PFKFB3: variants seen among roughly 807,000 people sequenced by gnomAD.
PFKFB3 encodes the protein 6-phosphofructo-2-kinase/fructose-2,6-bisphosphatase 3.
A neutral mutation model predicts 68.0 loss-of-function variants in PFKFB3; 33 were observed. The observed-to-expected ratio is 0.49, with a 90% CI of 0.37 to 0.65. PFKFB3 has a LOEUF of 0.65. PFKFB3 is among the 30% of genes least tolerant of loss of function. The pLI, the probability that PFKFB3 is intolerant of heterozygous loss-of-function variation, is 0.00. For missense variants in PFKFB3, 586 were observed against 712.2 expected (o/e 0.82, Z 2.02); for synonymous variants, 315 against 288.2 (o/e 1.09, Z -0.94).
chr10:6,221,486 C>G lies in PFKFB3; in HGVS notation c.937C>G (p.Leu313Val). 1.2e-6 allele frequency: 2 copies of G among 1,613,570 alleles called. No individual in the cohort carries two copies. Among genetic ancestry groups the G allele is most frequent in the Non-Finnish European group, 1.7e-6 (2 of 1,180,016 alleles). ...STIQTAEALRLPYEQWKALNE... is the reference protein window; with the variant it reads ...STIQTAEALRVPYEQWKALNE... ...CATCCAGACGGCCGAGGCGCTGCGG[C>G]TGCCCTACGAGCAGTGGAAGGCGCT... The change falls in exon 9 of 15, where the codon CTG becomes GTG. Residue 313 changes from leucine to valine, a missense_variant. By Grantham distance (32) the Leu-to-Val change is conservative. Coordinates refer to ENST00000379775, the MANE Select transcript of PFKFB3 (RefSeq NM_004566.4).
At chr10:6,198,005 A>T (rs1843220321), upstream of PFKFB3, among the ~76,000 whole-genome samples, 1 of 152,166 alleles carries the variant, frequency 6.6e-6, no homozygotes, top group Admixed American at 6.5e-5. Flanking sequence ...TTTCTGGAAC[A>T]ATTTACTTAG....
chr10:6,254,462 A>G (rs1180841316), exon 15 of PFKFB3: 3 of 398,010 alleles, frequency 7.5e-6, no homozygotes, highest in East Asian at 3.6e-5. Flanking sequence ...TTCCCAGGTC[A>G]GTGTCAGTTG....
At chr10:6,267,954 C>CAAAAAAAA in the PFKFB3 span, among the ~76,000 whole-genome samples, 17 of 85,862 alleles carry the variant, frequency 2.0e-4, no homozygotes, top group Non-Finnish European at 2.4e-4. Context: ...GACCCTATCT[C>CAAAAAAAA]AAAAAAAAAA....
chr10:6,216,053 G>GCA lies in PFKFB3; in HGVS notation c.300-72_300-71insCA, dbSNP rs1564628720. 11 of 1,341,602 alleles carry GCA rather than the reference G, an allele frequency of 8.2e-6. No homozygotes were observed. The African/African-American group carries it at 1.0e-4, about 12-fold the overall frequency. The allele number at this position is 1,341,602 out of a possible 1,614,324, so 83.1% of individuals were successfully genotyped here. A position where few individuals can be genotyped will look rare whatever the true frequency, so the allele number is the denominator to read the frequency against. ...CCAGTTACTCTGCTTGTCGGGGCGT[G>GCA]TCGGGAGTTGCTTGGGCTGCCCCAG... is the stretch of plus-strand genomic sequence containing the variant. On this transcript the variant is annotated intron_variant, in intron 3 of 14. Transcript: ENST00000379775.
At chr10:6,307,283 CACACACACACATGCATGCATGCAG>C in the PFKFB3 span, among the ~76,000 whole-genome samples, 2 of 151,622 alleles carry the variant, frequency 1.3e-5, no homozygotes, top group African/African-American at 2.4e-5. Context: ...TATAATAAAC[CACACACACACATGCATGCATGCAG>C]ACACACACAC....
chr10:6,207,115 G>A (rs1212727934), intron 1 of PFKFB3, among the ~76,000 whole-genome samples: 4 of 152,214 alleles, frequency 2.6e-5, no homozygotes, highest in East Asian at 1.9e-4. Flanking sequence ...GTAGCGAGCC[G>A]AGATCACGCC....
chr10:6,259,586 C>CCATG (rs1297366720), downstream of PFKFB3, among the ~76,000 whole-genome samples: 3 of 134,388 alleles, frequency 2.2e-5, no homozygotes, highest in African/African-American at 8.7e-5. Flanking sequence ...ATCCACTCAT[C>CCATG]CATCCATCCA....
the PFKFB3 span, among the ~76,000 whole-genome samples, chr10:6,264,192 T>C: frequency 6.6e-6 from 1 of 152,244 alleles, no homozygotes; most frequent in Non-Finnish European, 1.5e-5. Flanking sequence ...TGCTTCTAGA[T>C]GTTCCATTAC....
At chr10:6,244,594 A>G (rs954099559) in intron 14 of PFKFB3, among the ~76,000 whole-genome samples, 4 of 152,238 alleles carry the variant, frequency 2.6e-5, no homozygotes, top group South Asian at 2.1e-4. Context: ...TTCTGTCGCT[A>G]TTCTCTTACA....
At chr10:6,285,972 GTTTTTTTTTTTT>G in the PFKFB3 span, among the ~76,000 whole-genome samples, 2 of 89,044 alleles carry the variant, frequency 2.2e-5, no homozygotes, top group Non-Finnish European at 4.0e-5. Context: ...TCCTTTCACT[GTTTTTTTTTTTT>G]TTTTTTTTTT....
intron 1 of PFKFB3, among the ~76,000 whole-genome samples, chr10:6,150,858 G>C (rs1841553967): frequency 2.6e-5 from 4 of 152,162 alleles, no homozygotes; most frequent in Admixed American, 2.0e-4. Context: ...AATTAGCCAG[G>C]TATGGTGGCG....
At chr10:6,223,808 G>A (rs1375729994) in intron 11 of PFKFB3, 150 bp from the exon 12 acceptor site, 4 of 700,284 alleles carry the variant, frequency 5.7e-6, no homozygotes, top group South Asian at 3.1e-5. Flanking sequence ...GTAGAGATGG[G>A]GTTTTGCCAT....
At chr10:6,208,371 C>CTTTTTTTTTTTTTTTTTTTTTTTTTTT (rs35447462) in intron 1 of PFKFB3, among the ~76,000 whole-genome samples, 2 of 60,624 alleles carry the variant, frequency 3.3e-5, no homozygotes, top group African/African-American at 1.3e-4. Context: ...GGTACCTGGC[C>CTTTTTTTTTTTTTTTTTTTTTTTTTTT]TTTTTTTTTT....
chr10:6,291,423 A>G, the PFKFB3 span, among the ~76,000 whole-genome samples: 1 of 152,158 alleles, frequency 6.6e-6, no homozygotes, highest in African/African-American at 2.4e-5. Flanking sequence ...ATGGTGGTGC[A>G]TGTCTGCAGT....
In PFKFB3 at chr10:6,232,956, G is replaced by GTTCCA. The variant is rs1163975121; in HGVS notation, c.*22_*26dup. The GTTCCA allele has an allele frequency of 6.2e-7, 1 of 1,605,126 alleles. No individual in the cohort carries two copies. Among genetic ancestry groups the GTTCCA allele is most frequent in the East Asian group, 2.2e-5 (1 of 44,850 alleles). On this transcript the variant is annotated 3_prime_UTR_variant, in exon 15 of 15. Transcript: ENST00000379775. ...AGGAAACACTGAGGCAGACGTGTCG[G>GTTCCA]TTCCATTCCATTTCCATTTCTGCAG...
intron 13 of PFKFB3, 26 bp from the exon 14 acceptor site, chr10:6,226,164 TTC>T (rs1845335542): frequency 1.3e-6 from 2 of 1,532,568 alleles, no homozygotes; most frequent in Non-Finnish European, 1.8e-6. Flanking sequence ...ACTGTCGCCT[TTC>T]TCTCTTTTGT....
chr10:6,239,819 G>A (rs995719251), downstream of PFKFB3, among the ~76,000 whole-genome samples: 2 of 152,072 alleles, frequency 1.3e-5, no homozygotes, highest in African/African-American at 2.4e-5. Flanking sequence ...GACTTCAGGT[G>A]TGCGCCACCA....
intron 5 of PFKFB3, 111 bp from the exon 6 acceptor site, chr10:6,217,024 G>T: frequency 9.1e-7 from 1 of 1,096,836 alleles, no homozygotes; most frequent in Non-Finnish European, 1.4e-6. Flanking sequence ...CTGTGTTTGG[G>T]AGTTGGTGGG....
At chr10:6,246,011 C>A (rs1308056843) in intron 14 of PFKFB3, among the ~76,000 whole-genome samples, 1 of 152,202 alleles carries the variant, frequency 6.6e-6, no homozygotes, top group Non-Finnish European at 1.5e-5. Context: ...AAAGCCGCCT[C>A]CTCTTCCTTC....
Sources: allele counts gnomAD v4.1 joint callset (sites outside exome capture counted in the v4.1 genomes callset), GRCh38; gene constraint gnomAD v4.1.1; transcripts MANE v1.5; gene names NCBI Gene and HGNC (gene_info 2026-07-23, HGNC 2026-07-21).